AP3B1: variants seen among roughly 807,000 people sequenced by gnomAD.
AP3B1 encodes adaptor related protein complex 3 subunit beta 1.
AP3B1 carries 61 observed loss-of-function variants against 132.5 expected under a neutral mutation model. The ratio of observed to expected loss-of-function variants is 0.46; its 90% CI spans 0.37 to 0.57. The LOEUF is 0.57. AP3B1 is among the 20% of genes least tolerant of loss of function. The pLI, the probability that AP3B1 is intolerant of heterozygous loss-of-function variation, is 0.00. For missense variants in AP3B1, 1,120 were observed against 1,289.4 expected (o/e 0.87, Z 2.01); for synonymous variants, 388 against 438.3 (o/e 0.89, Z 1.43).
chr5:78,112,352 G>A (rs139443165), intron 19 of AP3B1, among the ~76,000 whole-genome samples: 156 of 152,174 alleles, frequency 1.0e-3, no homozygotes, highest in Non-Finnish European at 1.9e-3. Context: ...CCAATTCACT[G>A]GTTAAAATGT....
Position 78,240,098 on chromosome 5 carries a change from T to C in AP3B1, c.279+764A>G, listed in dbSNP as rs561633936. On this transcript the variant is annotated intron_variant, in intron 3 of 26. Coordinates refer to ENST00000255194, the MANE Select transcript of AP3B1 (RefSeq NM_003664.5). ...ACACTTGCCCGTGCAAGAATGCTTG[T>C]GCACTTTCTCTGTCACCATAACCAT... Among the ~76,000 whole-genome samples the C allele has an allele frequency of 9.8e-5, 15 of 152,356 alleles. 1 individual carries two copies. The East Asian group carries it at 2.7e-3, about 27-fold the overall frequency.
intron 7 of AP3B1, among the ~76,000 whole-genome samples, chr5:78,210,776 A>C (rs1049866880): frequency 1.3e-5 from 2 of 152,144 alleles, no homozygotes; most frequent in Non-Finnish European, 2.9e-5. Flanking sequence ...TGATGCCACT[A>C]ACAGATGTTG....
At chr5:78,049,059 T>G (rs1183449105) in intron 22 of AP3B1, among the ~76,000 whole-genome samples, 1 of 152,210 alleles carries the variant, frequency 6.6e-6, no homozygotes, top group African/African-American at 2.4e-5. Flanking sequence ...TTCATGTGAC[T>G]CAACTAATAA....
At chr5:78,040,003 G>C (rs977668426) in intron 22 of AP3B1, among the ~76,000 whole-genome samples, 1 of 151,342 alleles carries the variant, frequency 6.6e-6, no homozygotes, top group Non-Finnish European at 1.5e-5. Context: ...GGGTGTTTTA[G>C]CCAACTACCA....
chr5:78,015,515 ACAG>A lies in AP3B1; in HGVS notation c.3023_3025del (p.Ala1008del), dbSNP rs111935323. 10,150 of 1,613,790 alleles carry A rather than the reference ACAG, an allele frequency of 6.3e-3. 528 individuals carry two copies. In the African/African-American group the frequency reaches 0.12, roughly 18 times the overall value. Reference sequence around the variant, plus strand: ...GAAATTCTGTGGTGCAGCAATGATTACAGCAGAAGTTTCATTCATTCCTGTTAG... The same window carrying A: ...GAAATTCTGTGGTGCAGCAATGATTACAGAAGTTTCATTCATTCCTGTTAG... On this transcript the variant is annotated inframe_deletion, in exon 26 of 27. Transcript: ENST00000255194.
intron 7 of AP3B1, among the ~76,000 whole-genome samples, chr5:78,211,436 A>C (rs1745732308): frequency 6.6e-6 from 1 of 152,212 alleles, no homozygotes; most frequent in Admixed American, 6.5e-5. Context: ...ATGCAAATAA[A>C]CTAAATTAAA....
intron 24 of AP3B1, 102 bp from the exon 25 acceptor site, chr5:78,020,891 G>T (rs747919557): frequency 7.6e-6 from 7 of 926,438 alleles, no homozygotes; most frequent in Non-Finnish European, 1.2e-5. Context: ...AGCATATACA[G>T]TATAAGACCT....
At chr5:78,278,618 AAAAAAAAG>A (rs1748895065) in intron 1 of AP3B1, among the ~76,000 whole-genome samples, 1 of 133,992 alleles carries the variant, frequency 7.5e-6, no homozygotes, top group African/African-American at 2.9e-5. Context: ...AAAAAAAAAA[AAAAAAAAG>A]GGGGGGGGGG....
intron 2 of AP3B1, among the ~76,000 whole-genome samples, chr5:78,259,531 G>A (rs1444080579): frequency 6.6e-6 from 1 of 152,118 alleles, no homozygotes; most frequent in Non-Finnish European, 1.5e-5. Flanking sequence ...TAATTGAATT[G>A]TTTGTAACTC....
chr5:78,273,413 A>T (rs542757869), intron 1 of AP3B1, among the ~76,000 whole-genome samples: 1 of 152,236 alleles, frequency 6.6e-6, no homozygotes, highest in East Asian at 1.9e-4. Context: ...TCAAGGGAAA[A>T]AAAGAGCTCC....
intron 22 of AP3B1, among the ~76,000 whole-genome samples, chr5:78,067,760 G>A (rs1749352684): frequency 6.6e-6 from 1 of 152,134 alleles, no homozygotes; most frequent in South Asian, 2.1e-4. Flanking sequence ...TGCAGCCAAA[G>A]CAGTGTTAAG....
chr5:78,047,036 C>CT (rs1748364346), intron 22 of AP3B1, among the ~76,000 whole-genome samples: 1 of 151,776 alleles, frequency 6.6e-6, no homozygotes. Context: ...TGAACTCATC[C>CT]TTTTTTATGG....
intron 2 of AP3B1, among the ~76,000 whole-genome samples, chr5:78,259,514 A>T (rs1287139068): frequency 1.3e-5 from 2 of 152,192 alleles, no homozygotes; most frequent in Non-Finnish European, 2.9e-5. Flanking sequence ...AAATAACTTA[A>T]AGAGTGTAAT....
chr5:78,122,565 G>C (rs1291637756), intron 17 of AP3B1, among the ~76,000 whole-genome samples: 1 of 152,136 alleles, frequency 6.6e-6, no homozygotes, highest in Admixed American at 6.5e-5. Context: ...GACAAACAGA[G>C]AGCCAAATCA....
At chr5:78,266,646 CTTA>C (rs1748334449) in intron 2 of AP3B1, among the ~76,000 whole-genome samples, 1 of 152,006 alleles carries the variant, frequency 6.6e-6, no homozygotes, top group Non-Finnish European at 1.5e-5. Context: ...CAATTTTGAC[CTTA>C]TTATATAAAA....
chr5:78,230,024 C>T (rs1746577497), intron 3 of AP3B1, among the ~76,000 whole-genome samples: 1 of 152,058 alleles, frequency 6.6e-6, no homozygotes, highest in African/African-American at 2.4e-5. Context: ...CAGCGTGACA[C>T]TACAAACTAC....
chr5:78,087,577 T>A lies in AP3B1; in HGVS notation c.2577+1816A>T. ...TACTTGTTTGATCATTTTGTTAGCT[T>A]TTGGGGAGTGAGTGTTGTGGTCCTG... On this transcript the variant is annotated intron_variant, in intron 22 of 26. Coordinates refer to ENST00000255194, the MANE Select transcript of AP3B1 (RefSeq NM_003664.5). 3 of 985,436 alleles carry A rather than the reference T, an allele frequency of 3.0e-6. No homozygotes were observed. In the South Asian group the frequency reaches 1.4e-4, roughly 46 times the overall value. 61.0% of individuals were successfully genotyped at this position (985,436 alleles called of 1,614,324 possible).
At chr5:78,030,789 A>G (rs142735786) in intron 24 of AP3B1, among the ~76,000 whole-genome samples, 377 of 152,164 alleles carry the variant, frequency 2.5e-3, no homozygotes, top group African/African-American at 8.5e-3. Context: ...TGATCCTCCC[A>G]CTTCAGTCTC....
intron 23 of AP3B1, among the ~76,000 whole-genome samples, chr5:78,036,729 A>T (rs140619996): frequency 6.6e-6 from 1 of 152,290 alleles, no homozygotes; most frequent in African/African-American, 2.4e-5. Flanking sequence ...ACAAAACCAG[A>T]TTGGTGGCAA....
Sources: gnomAD v4.1 joint callset for allele counts (sites outside exome capture counted in the v4.1 genomes callset) on GRCh38, gnomAD v4.1.1 for gene constraint, MANE v1.5 for transcripts, NCBI Gene and HGNC (gene_info 2026-07-23, HGNC 2026-07-21) for gene names.